SLC24A2: variants seen among roughly 807,000 people sequenced by gnomAD.
SLC24A2 encodes solute carrier family 24 member 2.
SLC24A2 carries 36 observed loss-of-function variants against 62.0 expected under a neutral mutation model. The observed-to-expected ratio is 0.58, with a 90% confidence interval of 0.44 to 0.77. The LOEUF is 0.77. SLC24A2 is among the 30% of genes least tolerant of loss of function. The pLI, the probability that SLC24A2 is intolerant of heterozygous loss-of-function variation, is 0.00. For missense variants in SLC24A2, 846 were observed against 817.9 expected (o/e 1.03, Z -0.42); for synonymous variants, 358 against 294.0 (o/e 1.22, Z -2.23).
At chr9:20,101,008 T>A in the SLC24A2 span, among the ~76,000 whole-genome samples, 4 of 152,330 alleles carry the variant, frequency 2.6e-5, no homozygotes, top group African/African-American at 9.6e-5. Flanking sequence ...CTTGAAACTA[T>A]GGTCTCATTT....
chr9:19,582,928 C>T lies in SLC24A2; in HGVS notation c.1130-5906G>A, dbSNP rs191276427. On this transcript the variant is annotated intron_variant, in intron 5 of 10. Coordinates refer to ENST00000341998, the MANE Select transcript of SLC24A2 (RefSeq NM_020344.4). The stretch of plus-strand genomic sequence containing the variant: ...CCACTCCCCACTCCGCACACCCACC[C>T]AACCAGCACCAAGTCACATAGGAAT... 1.2e-4 allele frequency among the ~76,000 whole-genome samples: 19 copies of T among 152,188 alleles called. No homozygotes were observed. The East Asian group carries it at 3.7e-3, about 29-fold the overall frequency.
the SLC24A2 span, among the ~76,000 whole-genome samples, chr9:20,247,406 C>A: frequency 2.0e-5 from 3 of 152,130 alleles, no homozygotes; most frequent in Non-Finnish European, 4.4e-5. Context: ...AATCCTCACC[C>A]CTAAGGTGAT....
chr9:20,063,565 C>T, the SLC24A2 span, among the ~76,000 whole-genome samples: 6 of 151,678 alleles, frequency 4.0e-5, no homozygotes, highest in East Asian at 1.9e-4. Context: ...GTGGGTGCAG[C>T]GCATCAGCAT....
the SLC24A2 span, among the ~76,000 whole-genome samples, chr9:20,035,618 G>T: frequency 1.3e-5 from 2 of 152,144 alleles, no homozygotes; most frequent in Non-Finnish European, 2.9e-5. Context: ...GCTGGGTGTG[G>T]TGGTGCACAT....
At chr9:19,942,516 C>T in the SLC24A2 span, among the ~76,000 whole-genome samples, 1 of 152,072 alleles carries the variant, frequency 6.6e-6, no homozygotes, top group Admixed American at 6.5e-5. Flanking sequence ...GTGGTGGGTA[C>T]ATTTATACTA....
At chr9:19,904,321 A>G in the SLC24A2 span, among the ~76,000 whole-genome samples, 722 of 152,310 alleles carry the variant, frequency 4.7e-3, 4 homozygotes, top group African/African-American at 0.017. Flanking sequence ...CCTCTAACCC[A>G]TCATGAGATT....
chr9:20,164,366 A>G, the SLC24A2 span, among the ~76,000 whole-genome samples: 2 of 152,198 alleles, frequency 1.3e-5, no homozygotes, highest in Non-Finnish European at 1.5e-5. Flanking sequence ...TATGCAGCGA[A>G]AAAAACACAT....
chr9:20,077,369 T>C, the SLC24A2 span, among the ~76,000 whole-genome samples: 5 of 152,222 alleles, frequency 3.3e-5, no homozygotes, highest in Non-Finnish European at 7.3e-5. Flanking sequence ...TGTTACTATC[T>C]ACATGTATCA....
the SLC24A2 span, among the ~76,000 whole-genome samples, chr9:19,961,019 G>GGGGTGTGT: frequency 1.2e-5 from 1 of 80,336 alleles, no homozygotes; most frequent in Non-Finnish European, 2.9e-5. Flanking sequence ...GGATTAGAGG[G>GGGGTGTGT]GTGGGTGTGT....
chr9:20,231,025 T>C, the SLC24A2 span, among the ~76,000 whole-genome samples: 1 of 152,306 alleles, frequency 6.6e-6, no homozygotes, highest in Admixed American at 6.5e-5. Flanking sequence ...GTCAGGTTTG[T>C]CAAAGATCAG....
chr9:19,530,922 A>T (rs529440759), intron 8 of SLC24A2, among the ~76,000 whole-genome samples: 1 of 152,198 alleles, frequency 6.6e-6, no homozygotes, highest in Non-Finnish European at 1.5e-5. Flanking sequence ...ACGTGCTCCC[A>T]ATATCTAGAT....
chr9:19,809,619 C>T, the SLC24A2 span, among the ~76,000 whole-genome samples: 1 of 152,226 alleles, frequency 6.6e-6, no homozygotes, highest in East Asian at 1.9e-4. Flanking sequence ...CTTCCCTTCT[C>T]TTTGTCAGCC....
At chr9:19,598,015 T>C (rs1367339392) in intron 4 of SLC24A2, among the ~76,000 whole-genome samples, 1 of 152,116 alleles carries the variant, frequency 6.6e-6, no homozygotes, top group Admixed American at 6.5e-5. Flanking sequence ...ACTCCCCCTA[T>C]AATGGAAACC....
chr9:19,557,087 A>G (rs1226816779), intron 7 of SLC24A2, among the ~76,000 whole-genome samples: 1 of 152,150 alleles, frequency 6.6e-6, no homozygotes. Flanking sequence ...GACCTGCTGA[A>G]CAAAAGTGAC....
chr9:19,545,707 TG>T (rs1165924025), intron 8 of SLC24A2, among the ~76,000 whole-genome samples: 6 of 151,950 alleles, frequency 3.9e-5, no homozygotes, highest in African/African-American at 1.5e-4. Flanking sequence ...GGTGCAATCA[TG>T]GCTCACTGCA....
At chr9:20,072,974 G>A in the SLC24A2 span, among the ~76,000 whole-genome samples, 21 of 152,234 alleles carry the variant, frequency 1.4e-4, no homozygotes, top group East Asian at 3.5e-3. Flanking sequence ...GTTACGGGAA[G>A]GTAACACAGA....
chr9:20,161,828 C>A, the SLC24A2 span, among the ~76,000 whole-genome samples: 3 of 150,788 alleles, frequency 2.0e-5, no homozygotes, highest in Non-Finnish European at 4.4e-5. Flanking sequence ...ACATATATAT[C>A]TTAGTTAATG....
At chr9:20,182,261 T>C in the SLC24A2 span, among the ~76,000 whole-genome samples, 40 of 152,290 alleles carry the variant, frequency 2.6e-4, no homozygotes, top group Non-Finnish European at 5.7e-4. Context: ...GAAATACCAT[T>C]TGACCCAGCC....
At chr9:19,627,286 T>C (rs1818057996) in intron 2 of SLC24A2, among the ~76,000 whole-genome samples, 1 of 152,132 alleles carries the variant, frequency 6.6e-6, no homozygotes, top group Admixed American at 6.5e-5. Context: ...CTTTTGATGA[T>C]TTGTTTGGAT....
Sources: allele counts gnomAD v4.1 joint callset (sites outside exome capture counted in the v4.1 genomes callset), GRCh38; gene constraint gnomAD v4.1.1; transcripts MANE v1.5; gene names NCBI Gene and HGNC (gene_info 2026-07-23, HGNC 2026-07-21).